The following CDH4 variants were observed in gnomAD, a reference collection of about 807,000 sequenced individuals.
CDH4 encodes cadherin-4.
Under a neutral mutation model 86.0 loss-of-function variants are expected in CDH4, and 33 were observed. The ratio of observed to expected loss-of-function variants is 0.38; its 90% CI spans 0.29 to 0.51. The LOEUF (loss-of-function observed/expected upper bound fraction) is 0.51, where lower values mean the gene tolerates loss of function less well. Among genes scored for constraint, CDH4 ranks in the 20% least tolerant of loss-of-function variants. CDH4 has a pLI of 0.86. For missense variants in CDH4, 1,114 were observed against 1,307.4 expected, an observed-to-expected ratio of 0.85 and a Z score of 2.28; for synonymous variants, 555 against 549.4, an observed-to-expected ratio of 1.01 and a Z score of -0.14.
At chr20:61,736,994 C>T (rs2088274279) in intron 2 of CDH4, among the ~76,000 whole-genome samples, 1 of 152,162 alleles carries the variant, frequency 6.6e-6, no homozygotes, top group African/African-American at 2.4e-5. Flanking sequence ...AGGAGAAGGT[C>T]GAGGTGCAGG....
chr20:61,686,976 C>T (rs922846068), intron 2 of CDH4, among the ~76,000 whole-genome samples: 4 of 150,808 alleles, frequency 2.7e-5, no homozygotes, highest in South Asian at 2.1e-4. Flanking sequence ...CCCCGACTAG[C>T]AAGGTGTTTT....
chr20:61,884,553 T>G (rs958043502), intron 7 of CDH4, among the ~76,000 whole-genome samples: 1 of 152,112 alleles, frequency 6.6e-6, no homozygotes, highest in Non-Finnish European at 1.5e-5. Context: ...AGGGGTGATC[T>G]CTCGGTGACA....
Position 61,653,749 on chromosome 20 carries a change from G to A in CDH4, c.170-89814G>A, listed in dbSNP as rs1194133588. On this transcript the variant is annotated intron_variant, in intron 2 of 15. Transcript: ENST00000614565. ...AGGCGCTCCTCACATCCCAGACGGG[G>A]CGGCGGGGCAGAGGCGCTCCCCACA... Among the ~76,000 whole-genome samples, 3 of 115,814 alleles carry A rather than the reference G, an allele frequency of 2.6e-5. 1 individual carries two copies. The highest frequency in any genetic ancestry group is 6.1e-5 in the Non-Finnish European group (3 of 48,846). The allele number at this position is 115,814 out of a possible 152,430, so 76.0% of individuals were successfully genotyped here.
intron 4 of CDH4, among the ~76,000 whole-genome samples, chr20:61,833,915 T>C (rs1008765596): frequency 2.6e-5 from 4 of 152,210 alleles, no homozygotes; most frequent in African/African-American, 7.2e-5. Context: ...TCTTCGTCTA[T>C]GGGAGCACTG....
At chr20:61,503,057 C>T (rs559936988) in intron 2 of CDH4, among the ~76,000 whole-genome samples, 6 of 152,142 alleles carry the variant, frequency 3.9e-5, no homozygotes, top group African/African-American at 9.7e-5. Flanking sequence ...AAAAAATAGA[C>T]GCGTTGTAAA....
chr20:61,347,964 G>A (rs891489487), intron 2 of CDH4, among the ~76,000 whole-genome samples: 3 of 152,330 alleles, frequency 2.0e-5, no homozygotes, highest in Non-Finnish European at 4.4e-5. Context: ...TGGTTAAAGG[G>A]AAGAGTGGAA....
chr20:61,897,296 G>C (rs2122878474), intron 8 of CDH4, among the ~76,000 whole-genome samples: 1 of 151,886 alleles, frequency 6.6e-6, no homozygotes, highest in East Asian at 1.9e-4. Context: ...CCCATCCCGA[G>C]ACTCTGGGAG....
At chr20:61,442,671 G>A (rs756430247) in intron 2 of CDH4, among the ~76,000 whole-genome samples, 11 of 152,314 alleles carry the variant, frequency 7.2e-5, no homozygotes, top group Non-Finnish European at 1.2e-4. Flanking sequence ...CCTCATCCAC[G>A]ATCAGTGACT....
At chr20:61,643,646 C>A (rs2427220) in intron 2 of CDH4, among the ~76,000 whole-genome samples, 8,232 of 152,138 alleles carry the variant, frequency 0.054, 262 homozygotes, top group Middle Eastern at 0.099. Context: ...CTCTTGAGAC[C>A]TCAGGACTCC....
intron 4 of CDH4, among the ~76,000 whole-genome samples, chr20:61,816,968 G>A (rs995969909): frequency 2.2e-4 from 33 of 152,344 alleles, no homozygotes; most frequent in Admixed American, 9.1e-4. Flanking sequence ...GGTAAAAGGT[G>A]CCAGAGAACA....
In CDH4 at chr20:61,414,446, G is replaced by T. The variant is rs575240486; in HGVS notation, c.169+159509G>T. On this transcript the variant is annotated intron_variant, in intron 2 of 15. Transcript: ENST00000614565. ...AGAGTGGAGTCAGGGAGAGCCCTGCGTGGAGGCCATTCTGAGACAGGCAGG... is the reference window on the plus strand; with the variant it reads ...AGAGTGGAGTCAGGGAGAGCCCTGCTTGGAGGCCATTCTGAGACAGGCAGG... 1.6e-4 allele frequency among the ~76,000 whole-genome samples: 25 copies of T among 152,350 alleles called. No individual in the cohort carries two copies. The Middle Eastern group carries it at 0.01, about 62-fold the overall frequency.
chr20:61,836,818 C>T (rs1039427605), intron 4 of CDH4, among the ~76,000 whole-genome samples: 8 of 152,334 alleles, frequency 5.3e-5, no homozygotes, highest in Admixed American at 3.3e-4. Flanking sequence ...AAGAATCTCA[C>T]GCTGGACGGG....
At position 61,263,454 on chromosome 20, in the gene CDH4, C is replaced by G. The variant is rs116457128; in HGVS notation, c.169+8517C>G. Among the ~76,000 whole-genome samples, 1,106 of 152,274 alleles carry G rather than the reference C, an allele frequency of 7.3e-3. 14 individuals carry two copies. Among genetic ancestry groups the G allele is most frequent in the African/African-American group, 0.025 (1,021 of 41,560 alleles). On this transcript the variant is annotated intron_variant, in intron 2 of 15. Transcript: ENST00000614565. ...CAGGGGCCAGGAAGGAGGGGAGGAG[C>G]TGTTGTTTGGGGGGACTTACCATGT...
At chr20:61,428,439 C>T (rs149770882) in intron 2 of CDH4, among the ~76,000 whole-genome samples, 6 of 152,274 alleles carry the variant, frequency 3.9e-5, no homozygotes, top group East Asian at 3.9e-4. Context: ...AGAATGTTTA[C>T]GGCAACATCA....
At chr20:61,578,936 C>T (rs933775024) in intron 2 of CDH4, among the ~76,000 whole-genome samples, 1 of 152,170 alleles carries the variant, frequency 6.6e-6, no homozygotes, top group Non-Finnish European at 1.5e-5. Context: ...TCCATTCGGT[C>T]TTGTGGGAAG....
chr20:61,902,982 A>G lies in CDH4; in HGVS notation c.1189-7440A>G, dbSNP rs1282009523. On this transcript the variant is annotated intron_variant, in intron 8 of 15. Transcript: ENST00000614565. This position sits in a 1 kb window ranked among gnomAD's most constrained non-coding sequence, Gnocchi z 4.6. ...TGCAGTGAGGTGTGATCATGCCACT[A>G]AACTCCAGCCTGGGCAACAGAGCAA... Among the ~76,000 whole-genome samples the G allele has an allele frequency of 3.4e-5, 5 of 147,476 alleles. No homozygotes were observed. Among genetic ancestry groups the G allele is most frequent in the African/African-American group, 1.0e-4 (4 of 39,188 alleles).
At chr20:61,549,662 T>G (rs1259476629) in intron 2 of CDH4, among the ~76,000 whole-genome samples, 1 of 152,170 alleles carries the variant, frequency 6.6e-6, no homozygotes, top group East Asian at 1.9e-4. Context: ...GCTGGGAGAC[T>G]AAACAGCGAA....
intron 2 of CDH4, among the ~76,000 whole-genome samples, chr20:61,620,374 A>C (rs2086766079): frequency 1.3e-5 from 2 of 149,562 alleles, no homozygotes; most frequent in South Asian, 4.2e-4. Flanking sequence ...GATGATAGAT[A>C]CATGATAGAT....
rs527780111 is a variant in CDH4 at position 61,586,538 on chromosome 20, G to A, written c.170-157025G>A. ...ACCCTGGACGTGAGGTAACTCAAAG[G>A]CAGATGCCCTTACAGTAGCCCACCC... On this transcript the variant is annotated intron_variant, in intron 2 of 15. Transcript: ENST00000614565. Among the ~76,000 whole-genome samples the A allele has an allele frequency of 2.6e-5, 4 of 152,338 alleles. No homozygotes were observed. In the South Asian group the frequency reaches 8.3e-4, roughly 32 times the overall value.
Sources: gnomAD v4.1 joint callset for allele counts (sites outside exome capture counted in the v4.1 genomes callset) on GRCh38, gnomAD v4.1.1 for gene constraint, Gnocchi (gnomAD v3.1) non-coding constraint, MANE v1.5 for transcripts, NCBI Gene and HGNC (gene_info 2026-07-23, HGNC 2026-07-21) for gene names.